ZNF462: variants seen among roughly 807,000 people sequenced by gnomAD.
ZNF462 encodes the protein zinc finger protein 462, also known as zinc finger PBX1-interacting protein.
A neutral mutation model predicts 201.9 loss-of-function variants in ZNF462; 10 were observed. The ratio of observed to expected loss-of-function variants is 0.05; its 90% CI spans 0.03 to 0.08. The LOEUF (loss-of-function observed/expected upper bound fraction) is 0.08. Among genes scored for constraint, ZNF462 ranks in the 10% least tolerant of loss-of-function variants. ZNF462 has a pLI of 1.00. For missense variants in ZNF462, 2,523 were observed against 3,168.3 expected (o/e 0.80, Z 4.89); for synonymous variants, 1,227 against 1,193.3 (o/e 1.03, Z -0.58).
Position 106,865,447 on chromosome 9 carries a change from G to T in ZNF462, c.-31+2092G>T, listed in dbSNP as rs1206348481. 6.6e-6 allele frequency among the ~76,000 whole-genome samples: 1 copy of T among 152,076 alleles called. No homozygotes were observed. Among genetic ancestry groups the T allele is most frequent in the Admixed American group, 6.6e-5 (1 of 15,264 alleles). On this transcript the variant is annotated intron_variant, in intron 1 of 12. Transcript: ENST00000277225. This position sits in a 1 kb window ranked among gnomAD's most constrained non-coding sequence, Gnocchi z 4.1. ...TTTTGATGCATTGCAAGACTTTATT[G>T]TCTGATTTGAGTTGATTTCTGCAAA...
At chr9:106,921,343 CAG>C (rs1189810655) in intron 1 of ZNF462, among the ~76,000 whole-genome samples, 2 of 152,158 alleles carry the variant, frequency 1.3e-5, no homozygotes, top group Non-Finnish European at 2.9e-5. Context: ...TGCTGCTTTT[CAG>C]AGAGAAATGA....
In ZNF462 at chr9:106,927,715, G is replaced by A. The variant is rs759803984; in HGVS notation, c.3803G>A (p.Arg1268Lys). ...DKTKLRALKC[R>K]QCSYTSPYFY... ...ACGAAACTCCGAGCACTCAAATGTA[G>A]GCAGTGCTCATATACCTCCCCCTAC... The change falls in exon 3 of 13, where the codon AGG becomes AAG. Residue 1268 changes from arginine (R) to lysine (K), a missense_variant. By Grantham distance (26) the Arg-to-Lys change is conservative (BLOSUM62 2). This residue lies in a region of ZNF462 where 222 missense variants were observed against 271.6 expected (regional missense o/e 0.82). Coordinates refer to ENST00000277225, the MANE Select transcript of ZNF462 (RefSeq NM_021224.6). 1.5e-5 allele frequency: 25 copies of A among 1,613,962 alleles called. No individual in the cohort carries two copies. In the Admixed American group the frequency reaches 4.2e-4, roughly 27 times the overall value.
In ZNF462 at chr9:106,929,013, C is replaced by A. The variant is rs146822860; in HGVS notation, c.5101C>A (p.Leu1701Met). ...EGKNNLFKCA[L>M]CAYTNPIRKG... ...CAAGAACAACCTCTTCAAGTGTGCC[C>A]TGTGTGCCTACACCAACCCCATCCG... Residue 1701 changes from leucine (L) to methionine (M), a missense_variant, in exon 3 of 13, where the codon CTG (leucine) becomes ATG (methionine). Coordinates refer to ENST00000277225, the MANE Select transcript of ZNF462 (RefSeq NM_021224.6). The surrounding 1 kb of genome is among the most constrained non-coding windows in gnomAD (Gnocchi z 8.7). 1 of 1,614,000 alleles carries A rather than the reference C, an allele frequency of 6.2e-7. No individual in the cohort carries two copies. Among genetic ancestry groups the A allele is most frequent in the Non-Finnish European group, 8.5e-7 (1 of 1,180,040 alleles).
At position 106,984,100 on chromosome 9, in the gene ZNF462, T is replaced by C; in HGVS notation, c.6833-86T>C. On this transcript the variant is annotated intron_variant, in intron 9 of 12. Coordinates refer to ENST00000277225, the MANE Select transcript of ZNF462 (RefSeq NM_021224.6). This position sits in a 1 kb window ranked among gnomAD's most constrained non-coding sequence, Gnocchi z 6.4. Reference sequence around the variant, plus strand: ...ATCCACGAGGAGCAGCAAGATTGGGTGAGTTTCTTCTTGTATTCCAAAGAA... The same window carrying C: ...ATCCACGAGGAGCAGCAAGATTGGGCGAGTTTCTTCTTGTATTCCAAAGAA... The C allele has an allele frequency of 7.8e-7, 1 of 1,275,708 alleles. No homozygotes were observed. Among genetic ancestry groups the C allele is most frequent in the Non-Finnish European group, 1.1e-6 (1 of 906,978 alleles). 79.0% of individuals were successfully genotyped at this position (1,275,708 alleles called of 1,614,324 possible).
chr9:106,860,372 C>G (rs1018311475), upstream of ZNF462, among the ~76,000 whole-genome samples: 2 of 152,160 alleles, frequency 1.3e-5, no homozygotes, highest in African/African-American at 4.8e-5. The surrounding 1 kb of genome is among the most constrained non-coding windows in gnomAD (Gnocchi z 7.1). Context: ...AAAGGCTCCT[C>G]CCCAGGGCTC....
At chr9:106,958,206 C>A (rs1294807146) in intron 7 of ZNF462, among the ~76,000 whole-genome samples, 1 of 148,846 alleles carries the variant, frequency 6.7e-6, no homozygotes, top group African/African-American at 2.5e-5. Flanking sequence ...CCTCCTTTCC[C>A]ATCTGAGAGG....
In ZNF462 at chr9:106,998,114, C is replaced by T. The variant is rs546213098; in HGVS notation, c.7057-5180C>T. 4.6e-5 allele frequency among the ~76,000 whole-genome samples: 7 copies of T among 152,244 alleles called. No individual in the cohort carries two copies. In the East Asian group the frequency reaches 1.2e-3, roughly 25 times the overall value. ...TATAAGTCATTCAAAATCTTCACAG[C>T]GCTGCACATTCTTTTTAACATCAAC... On this transcript the variant is annotated intron_variant, in intron 10 of 12. Transcript: ENST00000277225.
intron 1 of ZNF462, among the ~76,000 whole-genome samples, 180 bp downstream of exon 1, chr9:106,863,535 AGAG>A (rs1012340328): frequency 4.9e-5 from 7 of 142,844 alleles, no homozygotes; most frequent in Non-Finnish European, 7.7e-5. Context: ...GCGAGAGAGA[AGAG>A]GAGGAGGGGG....
rs1831307589 is a variant in ZNF462, at chr9:106,950,756, A to G, written c.6427+11649A>G. Among the ~76,000 whole-genome samples, 1 of 152,204 alleles carries G rather than the reference A, an allele frequency of 6.6e-6. No homozygotes were observed. The highest frequency in any genetic ancestry group is 2.1e-4 in the South Asian group (1 of 4,834). On this transcript the variant is annotated intron_variant, in intron 7 of 12. Coordinates refer to ENST00000277225, the MANE Select transcript of ZNF462 (RefSeq NM_021224.6). The surrounding 1 kb of genome is among the most constrained non-coding windows in gnomAD (Gnocchi z 4.1). ...TATACTGTTGCATCTTAGCTATGTT[A>G]TCTCCATAACGGAAGTCTGGAAAAC...
chr9:106,924,676 G>C lies in ZNF462; in HGVS notation c.764G>C (p.Arg255Pro). The change falls in exon 3 of 13, where the codon CGA becomes CCA. Residue 255 changes from arginine (R) to proline (P), a missense_variant. Arg to Pro is a moderately radical substitution (Grantham distance 103). Coordinates refer to ENST00000277225, the MANE Select transcript of ZNF462 (RefSeq NM_021224.6). This position sits in a 1 kb window ranked among gnomAD's most constrained non-coding sequence, Gnocchi z 6.2. ...CEWCSYQTPR[R>P]ERWCDHMMKK... ...TGGTGCAGCTACCAGACCCCCCGCCGAGAACGCTGGTGTGACCACATGATG... is the reference window on the plus strand; with the variant it reads ...TGGTGCAGCTACCAGACCCCCCGCCCAGAACGCTGGTGTGACCACATGATG... 6.2e-7 allele frequency: 1 copy of C among 1,614,144 alleles called. No homozygotes were observed. The highest frequency in any genetic ancestry group is 8.5e-7 in the Non-Finnish European group (1 of 1,180,026).
At position 106,885,611 on chromosome 9, in the gene ZNF462, A is replaced by T. The variant is rs1828282499; in HGVS notation, c.-31+22256A>T. 6.6e-6 allele frequency among the ~76,000 whole-genome samples: 1 copy of T among 152,214 alleles called. No individual in the cohort carries two copies. Among genetic ancestry groups the T allele is most frequent in the East Asian group, 1.9e-4 (1 of 5,194 alleles). The stretch of plus-strand genomic sequence containing the variant: ...ACTTTAAGTAGCAGCTGAACATGTG[A>T]TCTTGTTAACCCTGAGATGTTGCTG... On this transcript the variant is annotated intron_variant, in intron 1 of 12. Transcript: ENST00000277225. This position sits in a 1 kb window ranked among gnomAD's most constrained non-coding sequence, Gnocchi z 4.1.
chr9:106,921,431 T>G (rs746681802), intron 1 of ZNF462, among the ~76,000 whole-genome samples: 7 of 152,170 alleles, frequency 4.6e-5, no homozygotes, highest in Non-Finnish European at 7.3e-5. Context: ...CATTTCTGAT[T>G]GTTAGCCTAG....
At chr9:106,997,247 A>G (rs1372784594) in intron 10 of ZNF462, among the ~76,000 whole-genome samples, 1 of 152,208 alleles carries the variant, frequency 6.6e-6, no homozygotes, top group Non-Finnish European at 1.5e-5. Flanking sequence ...TGGGAGAGCC[A>G]TTAGAGAAAA....
Position 106,984,239 on chromosome 9 carries a change from C to G in ZNF462, c.6886C>G (p.Gln2296Glu), listed in dbSNP as rs1284935005. 6.2e-7 allele frequency: 1 copy of G among 1,614,102 alleles called. No homozygotes were observed. Residue 2296 changes from glutamine to glutamate, a missense_variant, in exon 10 of 13, where the codon CAG (glutamine) becomes GAG (glutamate). Gln to Glu is a conservative substitution (Grantham distance 29). Around this residue, in one of 15 missense-constraint regions of ZNF462, gnomAD observed 228 missense variants for 361.2 expected, o/e 0.63. Transcript: ENST00000277225. The surrounding 1 kb of genome is among the most constrained non-coding windows in gnomAD (Gnocchi z 6.4). ...CCGGTCCAAACTGTCCAAATACTTG[C>G]AGGGAGTAGTTTTCCGCTGTGATAA... is the stretch of plus-strand genomic sequence containing the variant. The part of the protein sequence containing the change: ...VCRSKLSKYL[Q>E]GVVFRCDKCT...
intron 1 of ZNF462, among the ~76,000 whole-genome samples, chr9:106,901,233 T>C (rs1051490519): frequency 6.6e-6 from 1 of 152,094 alleles, no homozygotes; most frequent in African/African-American, 2.4e-5. Flanking sequence ...CTGTAAGTAT[T>C]TGGGATTATT....
upstream of ZNF462, among the ~76,000 whole-genome samples, chr9:106,862,547 CCTT>C (rs1476373636): frequency 6.6e-6 from 1 of 152,102 alleles, no homozygotes; most frequent in South Asian, 2.1e-4. The surrounding 1 kb of genome is among the most constrained non-coding windows in gnomAD (Gnocchi z 4.2). Context: ...TCCTTTGCCT[CCTT>C]CTCCTTTGCC....
intron 1 of ZNF462, among the ~76,000 whole-genome samples, chr9:106,875,327 A>G (rs1240478775): frequency 5.3e-5 from 8 of 152,222 alleles, no homozygotes; most frequent in Non-Finnish European, 8.8e-5. Context: ...CAAAGCTTTC[A>G]TAAATCAGCA....
rs1446186477 is a variant in ZNF462, at chr9:106,928,304, C to G, written c.4392C>G (p.Ala1464=). 6.2e-7 allele frequency: 1 copy of G among 1,614,006 alleles called. No homozygotes were observed. Among genetic ancestry groups the G allele is most frequent in the African/African-American group, 1.3e-5 (1 of 74,910 alleles). Residue 1464 remains alanine, a synonymous_variant, in exon 3 of 13, where the codon GCC becomes GCG. Coordinates refer to ENST00000277225, the MANE Select transcript of ZNF462 (RefSeq NM_021224.6). This position sits in a 1 kb window ranked among gnomAD's most constrained non-coding sequence, Gnocchi z 9.3. ...KSLQLASANP[A]ISSTPYQCTV... Reference sequence around the variant, plus strand: ...TGCAGCTAGCTTCAGCCAACCCCGCCATATCCTCCACCCCATACCAGTGCA... The same window carrying G: ...TGCAGCTAGCTTCAGCCAACCCCGCGATATCCTCCACCCCATACCAGTGCA...
At chr9:106,942,131 C>T (rs1358906246) in intron 7 of ZNF462, among the ~76,000 whole-genome samples, 1 of 152,208 alleles carries the variant, frequency 6.6e-6, no homozygotes, top group African/African-American at 2.4e-5. Flanking sequence ...ACCAGTGTGT[C>T]TTTGGCTTTC....
Sources: allele counts gnomAD v4.1 joint callset (sites outside exome capture counted in the v4.1 genomes callset), GRCh38; gene constraint gnomAD v4.1.1; regional missense constraint gnomAD v4.1.1; non-coding constraint Gnocchi (gnomAD v3.1); transcripts MANE v1.5; gene names NCBI Gene and HGNC (gene_info 2026-07-23, HGNC 2026-07-21).